Variants in NRXN1 observed in about 807,000 individuals in gnomAD.
NRXN1 encodes neurexin-1.
Under a neutral mutation model 150.9 loss-of-function variants are expected in NRXN1, and 39 were observed. The observed-to-expected ratio is 0.26, with a 90% CI of 0.20 to 0.34. The LOEUF is 0.34. Ranked by LOEUF, NRXN1 falls within the 10% of genes least tolerant of loss-of-function variation. NRXN1 has a pLI of 1.00. For synonymous variants in NRXN1, 924 were observed against 757.0 expected (o/e 1.22, Z -3.62); for missense variants, 1,815 against 1,949.9 (o/e 0.93, Z 1.30).
At chr2:50,431,827 C>T (rs2084988721) in intron 17 of NRXN1, among the ~76,000 whole-genome samples, 1 of 151,276 alleles carries the variant, frequency 6.6e-6, no homozygotes, top group African/African-American at 2.5e-5. Flanking sequence ...CAAGATGGTT[C>T]TCAACTTTTT....
chr2:50,981,457 CAAAAAAAAAAAAA>C lies in NRXN1; in HGVS notation c.772+46032_772+46044del, dbSNP rs70958635. On this transcript the variant is annotated intron_variant, in intron 2 of 22. Coordinates refer to ENST00000401669, the MANE Select transcript of NRXN1 (RefSeq NM_001330078.2). ...TGGGTGACAGATAGAAACTCTATCT[CAAAAAAAAAAAAA>C]AAAAAAAAAAAAAGAATGAAAAGAA... is the stretch of plus-strand genomic sequence containing the variant. 9.4e-3 allele frequency among the ~76,000 whole-genome samples: 219 copies of C among 23,276 alleles called. 6 individuals carry two copies. Among genetic ancestry groups the C allele is most frequent in the African/African-American group, 0.037 (208 of 5,650 alleles). 15.3% of individuals were successfully genotyped at this position (23,276 alleles called of 152,430 possible).
At chr2:50,826,914 A>G (rs1373823029) in intron 5 of NRXN1, among the ~76,000 whole-genome samples, 1 of 152,210 alleles carries the variant, frequency 6.6e-6, no homozygotes, top group Non-Finnish European at 1.5e-5. Context: ...GTACTGAATC[A>G]CCTTCAGAAA....
intron 17 of NRXN1, among the ~76,000 whole-genome samples, chr2:50,274,379 C>A (rs996369409): frequency 6.6e-6 from 1 of 152,016 alleles, no homozygotes; most frequent in African/African-American, 2.4e-5. Flanking sequence ...GGAACATCAT[C>A]CACCAGGGCC....
intron 21 of NRXN1, among the ~76,000 whole-genome samples, chr2:49,948,571 T>G (rs536515402): frequency 6.6e-6 from 1 of 152,052 alleles, no homozygotes; most frequent in Non-Finnish European, 1.5e-5. Flanking sequence ...AAAATCATCA[T>G]CGCAGTATGA....
intron 21 of NRXN1, among the ~76,000 whole-genome samples, chr2:50,038,421 G>A (rs1369621800): frequency 6.6e-6 from 1 of 152,092 alleles, no homozygotes; most frequent in Non-Finnish European, 1.5e-5. Flanking sequence ...GCTGTTGTGA[G>A]GATCCCTGCA....
chr2:49,991,093 A>G (rs1422529865), intron 21 of NRXN1, among the ~76,000 whole-genome samples: 1 of 152,216 alleles, frequency 6.6e-6, no homozygotes, highest in Non-Finnish European at 1.5e-5. Flanking sequence ...CAAATTGATA[A>G]AGAACATTCT....
At chr2:50,070,139 T>C (rs563758070) in intron 19 of NRXN1, among the ~76,000 whole-genome samples, 2 of 152,052 alleles carry the variant, frequency 1.3e-5, no homozygotes, top group South Asian at 2.1e-4. Context: ...TGTGAGCCAC[T>C]GCGCCTGGCC....
At chr2:50,907,111 T>C (rs1247032879) in intron 5 of NRXN1, among the ~76,000 whole-genome samples, 1 of 151,696 alleles carries the variant, frequency 6.6e-6, no homozygotes, top group African/African-American at 2.4e-5. Flanking sequence ...CCCTTTTCCC[T>C]TGAAGACTCT....
At chr2:50,911,911 C>T (rs757212545) in intron 5 of NRXN1, among the ~76,000 whole-genome samples, 5 of 151,814 alleles carry the variant, frequency 3.3e-5, no homozygotes, top group Non-Finnish European at 5.9e-5. Context: ...TGAAAACTGA[C>T]AATTTAGTTT....
chr2:50,794,188 C>T (rs939853805), intron 5 of NRXN1, among the ~76,000 whole-genome samples: 2 of 152,074 alleles, frequency 1.3e-5, no homozygotes, highest in Admixed American at 6.6e-5. Context: ...TTCTTTGTTA[C>T]ATCCGACTGA....
intron 5 of NRXN1, among the ~76,000 whole-genome samples, chr2:50,803,143 C>T (rs773478469): frequency 6.6e-5 from 10 of 152,128 alleles, no homozygotes; most frequent in Non-Finnish European, 1.3e-4. Flanking sequence ...TTTCTGCTTA[C>T]TCTTATAAAA....
chr2:50,094,046 T>G (rs1699915251), intron 18 of NRXN1, among the ~76,000 whole-genome samples: 1 of 152,236 alleles, frequency 6.6e-6, no homozygotes, highest in African/African-American at 2.4e-5. Flanking sequence ...TATTGTTCTT[T>G]GAAGTTAGTA....
intron 21 of NRXN1, among the ~76,000 whole-genome samples, chr2:50,015,411 A>G (rs769590380): frequency 1.3e-5 from 2 of 151,124 alleles, no homozygotes; most frequent in East Asian, 2.0e-4. Flanking sequence ...CTAGGCACAC[A>G]GGAGACTGTG....
At chr2:50,530,737 G>T (rs749425111) in intron 11 of NRXN1, among the ~76,000 whole-genome samples, 2 of 152,152 alleles carry the variant, frequency 1.3e-5, no homozygotes, top group African/African-American at 2.4e-5. Flanking sequence ...AAAAGACAGG[G>T]TACCACAAAG....
intron 5 of NRXN1, among the ~76,000 whole-genome samples, chr2:50,668,583 G>A (rs937393907): frequency 6.6e-6 from 1 of 152,014 alleles, no homozygotes; most frequent in African/African-American, 2.4e-5. Context: ...CAGTTGTGCT[G>A]TGATATCAAT....
intron 21 of NRXN1, among the ~76,000 whole-genome samples, chr2:49,981,060 T>C (rs959897993): frequency 1.3e-5 from 2 of 152,146 alleles, no homozygotes; most frequent in African/African-American, 2.4e-5. Flanking sequence ...CAAAGATTAG[T>C]GGTGCCAAAA....
chr2:49,975,038 C>T (rs954882398), intron 21 of NRXN1, among the ~76,000 whole-genome samples: 3 of 151,238 alleles, frequency 2.0e-5, no homozygotes, highest in African/African-American at 7.3e-5. Flanking sequence ...AGTGATCATA[C>T]TGTAATAACA....
At chr2:50,337,928 T>C (rs2077298267) in intron 17 of NRXN1, among the ~76,000 whole-genome samples, 1 of 152,242 alleles carries the variant, frequency 6.6e-6, no homozygotes, top group Admixed American at 6.5e-5. Context: ...ATCAATACCT[T>C]GTGTATTAAC....
intron 18 of NRXN1, among the ~76,000 whole-genome samples, chr2:50,169,989 A>G (rs1261876751): frequency 6.6e-6 from 1 of 152,190 alleles, no homozygotes; most frequent in East Asian, 1.9e-4. Flanking sequence ...AGGTCAGAAA[A>G]TCTCAAATAT....
Sources: gnomAD v4.1 joint callset for allele counts (sites outside exome capture counted in the v4.1 genomes callset) on GRCh38, gnomAD v4.1.1 for gene constraint, MANE v1.5 for transcripts, NCBI Gene and HGNC (gene_info 2026-07-23, HGNC 2026-07-21) for gene names.